CDK7: variants seen among roughly 807,000 people sequenced by gnomAD.
CDK7 encodes cyclin-dependent kinase 7.
A neutral mutation model predicts 49.1 loss-of-function variants in CDK7; 25 were observed. The observed-to-expected ratio is 0.51, with a 90% CI of 0.37 to 0.71. The LOEUF is 0.71. CDK7 is among the 30% of genes least tolerant of loss of function. The pLI is 0.00. For missense variants in CDK7, 316 were observed against 411.7 expected, an observed-to-expected ratio of 0.77 and a Z score of 2.01; for synonymous variants, 107 against 140.0, an observed-to-expected ratio of 0.76 and a Z score of 1.67.
At chr5:69,275,314 A>G (rs1050067502) in intron 10 of CDK7, among the ~76,000 whole-genome samples, 2 of 152,158 alleles carry the variant, frequency 1.3e-5, no homozygotes, top group Non-Finnish European at 2.9e-5. Context: ...ATTGGTTCCA[A>G]CCTACTGTAT....
chr5:69,241,422 G>A (rs10940206), intron 2 of CDK7, among the ~76,000 whole-genome samples: 16,977 of 146,992 alleles, frequency 0.12, 1,152 homozygotes, highest in South Asian at 0.19. Flanking sequence ...CTGGGTTCAA[G>A]CAATTCTCCT....
At chr5:69,257,231 A>G (rs1750548159) in intron 5 of CDK7, among the ~76,000 whole-genome samples, 1 of 152,162 alleles carries the variant, frequency 6.6e-6, no homozygotes. Context: ...AGGTTACGGA[A>G]CTATGCTTTG....
chr5:69,238,241 T>C (rs1378860776), intron 2 of CDK7, among the ~76,000 whole-genome samples: 1 of 152,114 alleles, frequency 6.6e-6, no homozygotes, highest in Non-Finnish European at 1.5e-5. Flanking sequence ...GTCTTAAATC[T>C]GTGTATCTCA....
intron 2 of CDK7, among the ~76,000 whole-genome samples, chr5:69,250,460 C>T (rs1289364583): frequency 6.6e-6 from 1 of 152,212 alleles, no homozygotes; most frequent in Non-Finnish European, 1.5e-5. Flanking sequence ...ATCAGCACCA[C>T]AGGCCCATGA....
chr5:69,275,623 A>G (rs1415445404), intron 10 of CDK7, among the ~76,000 whole-genome samples: 1 of 152,246 alleles, frequency 6.6e-6, no homozygotes, highest in Non-Finnish European at 1.5e-5. Context: ...AAGGACATTA[A>G]CAAAACTTTG....
At chr5:69,260,120 A>G (rs1750723250) in intron 7 of CDK7, among the ~76,000 whole-genome samples, 184 bp downstream of exon 7, 1 of 152,232 alleles carries the variant, frequency 6.6e-6, no homozygotes, top group Non-Finnish European at 1.5e-5. Context: ...AGGCCAAGGC[A>G]GGCAGACCCA....
At chr5:69,237,291 G>A (rs1262990233) in intron 2 of CDK7, among the ~76,000 whole-genome samples, 1 of 151,962 alleles carries the variant, frequency 6.6e-6, no homozygotes, top group East Asian at 1.9e-4. Flanking sequence ...TTCTGTCTCT[G>A]GTTCACTATA....
At chr5:69,247,449 C>T (rs958014910) in intron 2 of CDK7, among the ~76,000 whole-genome samples, 4 of 150,428 alleles carry the variant, frequency 2.7e-5, no homozygotes, top group Admixed American at 6.6e-5. Flanking sequence ...CCATGTCTTT[C>T]AGTCTGTGTG....
rs1009483732 is a variant in CDK7 at position 69,234,886 on chromosome 5, A to C, written c.-90A>C. On this transcript the variant is annotated 5_prime_UTR_variant, in exon 1 of 12. Transcript: ENST00000256443. ...AAAGCGACGGAGCCCGGTGGACGGA[A>C]GTGGGTGTTGGAGGCTTTAAGGTAG... 11 of 1,257,954 alleles carry C rather than the reference A, an allele frequency of 8.7e-6. No homozygotes were observed. Among genetic ancestry groups the C allele is most frequent in the Non-Finnish European group, 1.2e-5 (11 of 883,272 alleles). 77.9% of individuals were successfully genotyped at this position (1,257,954 alleles called of 1,614,324 possible).
intron 9 of CDK7, among the ~76,000 whole-genome samples, chr5:69,269,701 T>C (rs187573638): frequency 2.0e-5 from 3 of 152,074 alleles, no homozygotes; most frequent in Admixed American, 2.0e-4. Flanking sequence ...TGCACACATG[T>C]AGGTGTACAT....
chr5:69,256,182 C>G (rs1162274178), intron 5 of CDK7, among the ~76,000 whole-genome samples: 1 of 150,556 alleles, frequency 6.6e-6, no homozygotes, highest in Non-Finnish European at 1.5e-5. Flanking sequence ...AATCTCAGCA[C>G]TTTGAGAGGC....
intron 2 of CDK7, among the ~76,000 whole-genome samples, chr5:69,236,832 A>G (rs1357217205): frequency 2.6e-5 from 4 of 151,268 alleles, no homozygotes; most frequent in Admixed American, 2.6e-4. Context: ...TTGTATTTTT[A>G]GTAGAGACAG....
chr5:69,257,533 A>G (rs538919244), intron 5 of CDK7, among the ~76,000 whole-genome samples: 1 of 152,148 alleles, frequency 6.6e-6, no homozygotes, highest in African/African-American at 2.4e-5. Context: ...GTAGAGTTTA[A>G]TAATACCTGA....
intron 7 of CDK7, among the ~76,000 whole-genome samples, chr5:69,260,560 T>G (rs1750751286): frequency 6.6e-6 from 1 of 152,204 alleles, no homozygotes. Flanking sequence ...TCATCTGATT[T>G]ATTGGACCCA....
chr5:69,262,213 G>A lies in CDK7; in HGVS notation c.536G>A (p.Arg179Gln), dbSNP rs939093612. The change falls in exon 8 of 12, where the codon CGG (arginine) becomes CAG (glutamine). Residue 179 changes from arginine (R) to glutamine (Q), a missense_variant. Coordinates refer to ENST00000256443, the MANE Select transcript of CDK7 (RefSeq NM_001799.4). ...YTHQVVTRWY[R>Q]APELLFGARM... Reference sequence around the variant, plus strand: ...TTCTTTTTGTTCTTTAGGTGGTATCGGGCCCCCGAGTTACTATTTGGAGCT... The same window carrying A: ...TTCTTTTTGTTCTTTAGGTGGTATCAGGCCCCCGAGTTACTATTTGGAGCT... 9.3e-6 allele frequency: 15 copies of A among 1,613,580 alleles called. No homozygotes were observed. In the Admixed American group the frequency reaches 2.0e-4, roughly 22 times the overall value.
At chr5:69,258,211 A>G (rs1750605414) in intron 6 of CDK7, 58 bp downstream of exon 6, 2 of 712,234 alleles carry the variant, frequency 2.8e-6, no homozygotes, top group Non-Finnish European at 4.8e-6. Context: ...CCAATTTGGT[A>G]CATAGTGGTC....
chr5:69,238,570 A>C (rs1749159553), intron 2 of CDK7, among the ~76,000 whole-genome samples: 1 of 151,798 alleles, frequency 6.6e-6, no homozygotes, highest in Non-Finnish European at 1.5e-5. Context: ...TACAGGTGTG[A>C]GCCCCTGTAC....
At chr5:69,270,050 A>G (rs1751426379) in intron 9 of CDK7, among the ~76,000 whole-genome samples, 1 of 142,664 alleles carries the variant, frequency 7.0e-6, no homozygotes. Flanking sequence ...TGGGCTACAG[A>G]GTGAGACTCT....
Position 69,262,194 on chromosome 5 carries a change from TTGTTC to T in CDK7, c.528-9_528-5del. The T allele has an allele frequency of 6.2e-7, 1 of 1,613,154 alleles. No homozygotes were observed. The highest frequency in any genetic ancestry group is 2.2e-5 in the East Asian group (1 of 44,892). Reference sequence around the variant, plus strand: ...CATGCTAAAATGATACTAATTCTTTTTGTTCTTTAGGTGGTATCGGGCCCCCGAGT... The same window carrying T: ...CATGCTAAAATGATACTAATTCTTTTTTTAGGTGGTATCGGGCCCCCGAGT... On this transcript the variant is annotated splice_region_variant and splice_polypyrimidine_tract_variant and intron_variant, in intron 7 of 11. Coordinates refer to ENST00000256443, the MANE Select transcript of CDK7 (RefSeq NM_001799.4).
Sources: gnomAD v4.1 joint callset for allele counts (sites outside exome capture counted in the v4.1 genomes callset) on GRCh38, gnomAD v4.1.1 for gene constraint, MANE v1.5 for transcripts, NCBI Gene and HGNC (gene_info 2026-07-23, HGNC 2026-07-21) for gene names.